The following TRMT11 variants were observed in gnomAD, a reference collection of about 807,000 sequenced individuals.
TRMT11 encodes the protein tRNA (guanine(10)-N(2))-methyltransferase TRMT11.
In TRMT11, 53 loss-of-function variants were observed where a neutral mutation model predicts 62.8. The ratio of observed to expected loss-of-function variants is 0.84; its 90% CI spans 0.68 to 1.06. The LOEUF (loss-of-function observed/expected upper bound fraction) is 1.06. Ranked by LOEUF, TRMT11 falls within the 50% of genes least tolerant of loss-of-function variation. TRMT11 has a pLI of 0.00. For missense variants in TRMT11, 556 were observed against 553.4 expected, an observed-to-expected ratio of 1.00 and a Z score of -0.05; for synonymous variants, 188 against 190.3, an observed-to-expected ratio of 0.99 and a Z score of 0.10.
chr6:126,004,320 A>T (rs1403556397), intron 7 of TRMT11, among the ~76,000 whole-genome samples: 1 of 152,060 alleles, frequency 6.6e-6, no homozygotes, highest in East Asian at 1.9e-4. Context: ...AGCTCCTCAC[A>T]GTGGGTAGTA....
At chr6:126,193,474 A>T (rs9482724) in intron 1 of TRMT11, among the ~76,000 whole-genome samples, 7,764 of 146,486 alleles carry the variant, frequency 0.053, 785 homozygotes, top group African/African-American at 0.19. Context: ...AGGTTATTTA[A>T]GAGGAGCGTT....
chr6:126,205,274 G>T (rs1778778606), downstream of TRMT11, among the ~76,000 whole-genome samples: 1 of 152,180 alleles, frequency 6.6e-6, no homozygotes, highest in Non-Finnish European at 1.5e-5. Context: ...GGAGGCCAAG[G>T]TGGGCAGGTC....
At chr6:126,140,152 T>C (rs1032225299) in intron 21 of TRMT11, among the ~76,000 whole-genome samples, 2 of 152,120 alleles carry the variant, frequency 1.3e-5, no homozygotes, top group Non-Finnish European at 2.9e-5. Context: ...ACTTATTTTT[T>C]GTCTTTTGTC....
At chr6:126,258,588 T>G in the TRMT11 span, among the ~76,000 whole-genome samples, 1 of 152,244 alleles carries the variant, frequency 6.6e-6, no homozygotes, top group Admixed American at 6.5e-5. Context: ...TTTTCTATTT[T>G]TTTGATAATT....
At chr6:126,130,942 A>G (rs1259202017) in intron 21 of TRMT11, among the ~76,000 whole-genome samples, 1 of 152,142 alleles carries the variant, frequency 6.6e-6, no homozygotes, top group African/African-American at 2.4e-5. Context: ...CAACATCTGA[A>G]CAATTTTGGT....
intron 17 of TRMT11, among the ~76,000 whole-genome samples, chr6:126,079,970 C>T (rs762418055): frequency 2.0e-5 from 3 of 152,072 alleles, no homozygotes; most frequent in Non-Finnish European, 2.9e-5. Context: ...GATCAGAAAG[C>T]GTTAGATCTT....
intron 17 of TRMT11, among the ~76,000 whole-genome samples, chr6:126,102,210 T>C (rs1425454179): frequency 1.3e-5 from 2 of 152,244 alleles, no homozygotes; most frequent in Non-Finnish European, 2.9e-5. Context: ...AGATGAACTC[T>C]GAAAGAAAAG....
chr6:126,052,200 C>T (rs532336270), intron 16 of TRMT11, among the ~76,000 whole-genome samples: 4 of 152,138 alleles, frequency 2.6e-5, no homozygotes, highest in South Asian at 2.1e-4. Context: ...CTCTATTTGC[C>T]GTATAAGTTA....
chr6:126,199,851 AAG>A (rs1414383477), exon 3 of TRMT11: 2 of 152,232 alleles, frequency 1.3e-5, no homozygotes, highest in African/African-American at 2.4e-5. Flanking sequence ...CCTAGCAATG[AAG>A]ACCTCATCAG....
rs763209733 is a variant in TRMT11, at chr6:125,999,496, G to A, written c.562G>A (p.Val188Ile). 4 of 1,611,064 alleles carry A rather than the reference G, an allele frequency of 2.5e-6. No individual in the cohort carries two copies. Among genetic ancestry groups the A allele is most frequent in the Admixed American group, 3.3e-5 (2 of 59,910 alleles). ...GAGAGAGCTTATTGAGTCATACAGTGTCAAAAAGAGACACTTTATTGGAAA... is the reference window on the plus strand; with the variant it reads ...GAGAGAGCTTATTGAGTCATACAGTATCAAAAAGAGACACTTTATTGGAAA... ...GQRELIESYS[V>I]KKRHFIGNTS... Residue 188 changes from valine to isoleucine, a missense_variant, in exon 7 of 13, where the codon GTC (valine) becomes ATC (isoleucine). Transcript: ENST00000334379.
At chr6:125,997,264 G>GA (rs1337068851) in intron 3 of TRMT11, among the ~76,000 whole-genome samples, 3 of 152,018 alleles carry the variant, frequency 2.0e-5, no homozygotes, top group Admixed American at 1.3e-4. Flanking sequence ...ATTTGCAAAG[G>GA]AAAAAAATTA....
At chr6:126,239,809 A>G in the TRMT11 span, among the ~76,000 whole-genome samples, 1 of 152,170 alleles carries the variant, frequency 6.6e-6, no homozygotes, top group Admixed American at 6.5e-5. Context: ...GTGTTTTCCA[A>G]CTTGGTTCCA....
chr6:126,065,763 GT>G (rs1291410118), intron 17 of TRMT11, among the ~76,000 whole-genome samples: 1 of 152,214 alleles, frequency 6.6e-6, no homozygotes, highest in East Asian at 1.9e-4. Flanking sequence ...TTCTTTAGCT[GT>G]ATACTCTTGG....
At chr6:126,132,820 G>T (rs946985294) in intron 21 of TRMT11, among the ~76,000 whole-genome samples, 2 of 152,040 alleles carry the variant, frequency 1.3e-5, no homozygotes, top group Admixed American at 6.6e-5. Context: ...TGGTTGTACT[G>T]TAGTAGAAGA....
chr6:126,256,002 T>C, the TRMT11 span, among the ~76,000 whole-genome samples: 2 of 152,294 alleles, frequency 1.3e-5, no homozygotes, highest in African/African-American at 4.8e-5. Flanking sequence ...CTCTGTGATG[T>C]CTCATGAGGT....
the TRMT11 span, among the ~76,000 whole-genome samples, chr6:126,226,253 TTAAA>T: frequency 2.0e-5 from 3 of 152,240 alleles, no homozygotes; most frequent in African/African-American, 7.2e-5. Flanking sequence ...GGCTAATATT[TTAAA>T]TAAACTCGTA....
At chr6:126,165,978 T>A (rs1562338548) in intron 21 of TRMT11, among the ~76,000 whole-genome samples, 1 of 152,186 alleles carries the variant, frequency 6.6e-6, no homozygotes, top group African/African-American at 2.4e-5. Context: ...GCTTTGTTCA[T>A]TCCTTTTAAT....
At chr6:126,249,637 A>C in the TRMT11 span, among the ~76,000 whole-genome samples, 5 of 152,168 alleles carry the variant, frequency 3.3e-5, no homozygotes, top group Non-Finnish European at 7.4e-5. Context: ...AGATGAGCAA[A>C]CAAAAACACT....
chr6:126,204,510 G>A (rs941911258), downstream of TRMT11, among the ~76,000 whole-genome samples: 8 of 152,274 alleles, frequency 5.3e-5, no homozygotes, highest in East Asian at 7.7e-4. Flanking sequence ...TGACAAGTCC[G>A]CTTAGCTCTG....
Sources: gnomAD v4.1 joint callset for allele counts (sites outside exome capture counted in the v4.1 genomes callset) on GRCh38, gnomAD v4.1.1 for gene constraint, MANE v1.5 for transcripts, NCBI Gene and HGNC (gene_info 2026-07-23, HGNC 2026-07-21) for gene names.